DOCK3: variants seen among roughly 807,000 people sequenced by gnomAD.
DOCK3 encodes the protein dedicator of cytokinesis protein 3.
In DOCK3, 60 loss-of-function variants were observed where a neutral mutation model predicts 265.6. The observed-to-expected ratio is 0.23, with a 90% CI of 0.18 to 0.28. DOCK3 has a LOEUF of 0.28. DOCK3 is among the 10% of genes least tolerant of loss of function. The pLI, the probability that DOCK3 is intolerant of heterozygous loss-of-function variation, is 1.00. For missense variants in DOCK3, 1,981 were observed against 2,594.3 expected, an observed-to-expected ratio of 0.76 and a Z score of 5.14; for synonymous variants, 881 against 938.0, an observed-to-expected ratio of 0.94 and a Z score of 1.11.
At chr3:51,264,506 G>T (rs144893536) in intron 23 of DOCK3, among the ~76,000 whole-genome samples, 1 of 152,116 alleles carries the variant, frequency 6.6e-6, no homozygotes, top group South Asian at 2.1e-4. Flanking sequence ...AGAAGCAAGA[G>T]CATACAAATT....
intron 9 of DOCK3, among the ~76,000 whole-genome samples, chr3:51,124,188 T>A (rs1055151144): frequency 6.6e-6 from 1 of 152,188 alleles, no homozygotes; most frequent in African/African-American, 2.4e-5. Context: ...AGCATTATAA[T>A]GTTATACTTT....
chr3:50,958,774 G>C (rs1357376582), intron 5 of DOCK3, among the ~76,000 whole-genome samples: 1 of 152,062 alleles, frequency 6.6e-6, no homozygotes, highest in Non-Finnish European at 1.5e-5. Flanking sequence ...TTTCTATTGT[G>C]GGAAAACAAA....
chr3:50,920,361 G>A (rs1276870303), intron 4 of DOCK3, among the ~76,000 whole-genome samples: 1 of 152,158 alleles, frequency 6.6e-6, no homozygotes, highest in Non-Finnish European at 1.5e-5. Flanking sequence ...GAATTTTGCT[G>A]TGAATCCGTC....
intron 1 of DOCK3, among the ~76,000 whole-genome samples, chr3:50,736,209 G>A (rs1224080061): frequency 6.6e-6 from 1 of 152,064 alleles, no homozygotes; most frequent in Non-Finnish European, 1.5e-5. Context: ...CTTCATCCAT[G>A]TCCCTGCAAA....
At chr3:50,875,230 T>C (rs1245636810) in intron 3 of DOCK3, among the ~76,000 whole-genome samples, 2 of 152,242 alleles carry the variant, frequency 1.3e-5, no homozygotes, top group Admixed American at 6.5e-5. Context: ...AAAAAAATTA[T>C]GTTGTCTGCA....
At chr3:50,677,890 A>G (rs1282144663) in intron 1 of DOCK3, among the ~76,000 whole-genome samples, 1 of 152,078 alleles carries the variant, frequency 6.6e-6, no homozygotes, top group Non-Finnish European at 1.5e-5. Flanking sequence ...CCCCCTTTCC[A>G]TTGTAATATT....
chr3:51,114,074 G>A (rs528365184), intron 9 of DOCK3, among the ~76,000 whole-genome samples: 356 of 150,860 alleles, frequency 2.4e-3, no homozygotes, highest in African/African-American at 8.4e-3. Context: ...GCATCACTGC[G>A]TTCAAGTCTG....
intron 14 of DOCK3, among the ~76,000 whole-genome samples, chr3:51,214,747 T>A (rs2089689095): frequency 6.6e-6 from 1 of 152,164 alleles, no homozygotes; most frequent in Admixed American, 6.5e-5. Flanking sequence ...AATTAGACAT[T>A]GTGAATATAC....
At chr3:51,366,693 T>A (rs950749046) in intron 49 of DOCK3, among the ~76,000 whole-genome samples, 2 of 152,236 alleles carry the variant, frequency 1.3e-5, no homozygotes, top group African/African-American at 4.8e-5. Flanking sequence ...GTTGTGTCTT[T>A]GTTCTCATTG....
chr3:51,092,395 C>T (rs1357088178), intron 9 of DOCK3, among the ~76,000 whole-genome samples: 2 of 152,148 alleles, frequency 1.3e-5, no homozygotes, highest in Non-Finnish European at 2.9e-5. Context: ...TAAACAAAGC[C>T]GCTGGGAAGT....
intron 5 of DOCK3, among the ~76,000 whole-genome samples, chr3:50,970,384 A>G (rs1387139181): frequency 1.3e-5 from 2 of 152,198 alleles, no homozygotes; most frequent in Admixed American, 6.5e-5. Flanking sequence ...TCAAATAGGT[A>G]TACCAAAACT....
intron 2 of DOCK3, among the ~76,000 whole-genome samples, chr3:50,798,038 A>G (rs1274135559): frequency 6.6e-6 from 1 of 152,230 alleles, no homozygotes. Context: ...AGAATAGCTC[A>G]TTTTGTATTC....
chr3:51,236,321 C>T, intron 19 of DOCK3, 24 bp from the exon 20 acceptor site: 1 of 1,579,704 alleles, frequency 6.3e-7, no homozygotes, highest in Non-Finnish European at 8.7e-7. Flanking sequence ...AGACCTGAGC[C>T]CTCTGCTTTT....
rs535546466 is a variant in DOCK3, at chr3:51,019,634, C to G, written c.316-44814C>G. ...ATGCTCTTCCTCCTTCCACCCTCACCTCCAACAGGCCCCAGTGTGTGTTGT... is the reference window on the plus strand; with the variant it reads ...ATGCTCTTCCTCCTTCCACCCTCACGTCCAACAGGCCCCAGTGTGTGTTGT... On this transcript the variant is annotated intron_variant, in intron 5 of 52. Transcript: ENST00000266037. Among the ~76,000 whole-genome samples, 5 of 151,844 alleles carry G rather than the reference C, an allele frequency of 3.3e-5. No individual in the cohort carries two copies. The South Asian group carries it at 6.2e-4, about 19-fold the overall frequency.
chr3:50,883,450 T>C (rs1003134297), intron 3 of DOCK3, among the ~76,000 whole-genome samples: 1 of 152,156 alleles, frequency 6.6e-6, no homozygotes, highest in Admixed American at 6.5e-5. Flanking sequence ...TTTTTCTTAG[T>C]GTAGTTCCAT....
intron 5 of DOCK3, among the ~76,000 whole-genome samples, chr3:50,989,172 C>T (rs1350106806): frequency 6.6e-6 from 1 of 152,152 alleles, no homozygotes; most frequent in African/African-American, 2.4e-5. Context: ...ACAGACCCTC[C>T]ATCCTGGGCT....
intron 3 of DOCK3, chr3:50,881,267 G>C (rs1392292627): frequency 6.6e-6 from 1 of 152,324 alleles, no homozygotes; most frequent in East Asian, 1.9e-4. Flanking sequence ...AGTGTTGGAA[G>C]TTCTGGCCAG....
At chr3:51,160,034 C>T (rs1358663614) in intron 11 of DOCK3, among the ~76,000 whole-genome samples, 4 of 152,192 alleles carry the variant, frequency 2.6e-5, no homozygotes, top group South Asian at 2.1e-4. Context: ...CCACTGTAGG[C>T]ACAGCTTTGG....
At chr3:51,315,370 C>T (rs1176228555) in intron 32 of DOCK3, among the ~76,000 whole-genome samples, 1 of 152,186 alleles carries the variant, frequency 6.6e-6, no homozygotes, top group Non-Finnish European at 1.5e-5. Context: ...ACTTTCTGAT[C>T]AAGGAATGAT....
Sources: allele counts gnomAD v4.1 joint callset (sites outside exome capture counted in the v4.1 genomes callset), GRCh38; gene constraint gnomAD v4.1.1; transcripts MANE v1.5; gene names NCBI Gene and HGNC (gene_info 2026-07-23, HGNC 2026-07-21).